Variants in HELLS observed in about 807,000 individuals in gnomAD.
HELLS encodes the protein helicase, lymphoid specific.
Under a neutral mutation model 120.0 loss-of-function variants are expected in HELLS, and 32 were observed. That is an observed-to-expected ratio of 0.27 (90% CI 0.20 to 0.36). The LOEUF (loss-of-function observed/expected upper bound fraction) is 0.36. Among genes scored for constraint, HELLS ranks in the 10% least tolerant of loss-of-function variants. The pLI is 1.00. For synonymous variants in HELLS, 341 were observed against 323.4 expected, an observed-to-expected ratio of 1.05 and a Z score of -0.58; for missense variants, 650 against 993.4, an observed-to-expected ratio of 0.65 and a Z score of 4.65.
chr10:94,576,750 A>G lies in HELLS; in HGVS notation c.977A>G (p.His326Arg). 2 of 1,612,178 alleles carry G rather than the reference A, an allele frequency of 1.2e-6. No homozygotes were observed. Among genetic ancestry groups the G allele is most frequent in the Non-Finnish European group, 1.7e-6 (2 of 1,178,790 alleles). The change falls in exon 10 of 22, where the codon CAT (histidine) becomes CGT (arginine). Residue 326 changes from histidine (H) to arginine (R), a missense_variant. His to Arg is a conservative substitution (Grantham distance 29, BLOSUM62 0). Transcript: ENST00000348459. ...IYKRKGTLQI[H>R]PVVITSFEIA... ...AAACGGAAAGGGACTTTGCAGATTC[A>G]TCCTGTGGTAATCACGTCATTTGAA...
chr10:94,610,387 G>C (rs1161271988), exon 10 of HELLS: 1 of 151,498 alleles, frequency 6.6e-6, no homozygotes, highest in African/African-American at 2.4e-5. Flanking sequence ...CCGAGATCGC[G>C]TCACTGCACT....
intron 2 of HELLS, among the ~76,000 whole-genome samples, chr10:94,549,031 A>T (rs1014795876): frequency 6.6e-6 from 1 of 151,774 alleles, no homozygotes; most frequent in African/African-American, 2.4e-5. Context: ...ATCTTAATAT[A>T]AGTGTGTAAT....
At chr10:94,579,201 C>CTTTT (rs11431624) in intron 10 of HELLS, among the ~76,000 whole-genome samples, 3 of 133,866 alleles carry the variant, frequency 2.2e-5, no homozygotes, top group Non-Finnish European at 4.7e-5. Flanking sequence ...CTACTTTTTT[C>CTTTT]TTTTTTTTTT....
At chr10:94,612,127 G>A (rs1846198870) in exon 10 of HELLS, 1 of 152,070 alleles carries the variant, frequency 6.6e-6, no homozygotes. Context: ...CAGTGTTTGG[G>A]GGCATAGTCA....
At chr10:94,559,592 C>T (rs1464000897) in intron 4 of HELLS, among the ~76,000 whole-genome samples, 5 of 151,712 alleles carry the variant, frequency 3.3e-5, no homozygotes, top group South Asian at 2.1e-4. Flanking sequence ...ACTACAGGTG[C>T]GCGCCACCAT....
chr10:94,545,848 G>A lies in HELLS; in HGVS notation c.-74G>A, dbSNP rs1347639653. ...TTGGCTAGAAGGCTGGGCCGGCAGC[G>A]GTTGTGAGGAGTTAGCTCGCGGCAT... is the stretch of plus-strand genomic sequence containing the variant. On this transcript the variant is annotated 5_prime_UTR_variant, in exon 1 of 22. Coordinates refer to ENST00000348459, the MANE Select transcript of HELLS (RefSeq NM_018063.5). 3.4e-6 allele frequency: 5 copies of A among 1,486,506 alleles called. No homozygotes were observed. The highest frequency in any genetic ancestry group is 2.8e-5 in the African/African-American group (2 of 71,756). 92.1% of individuals were successfully genotyped at this position (1,486,506 alleles called of 1,614,324 possible).
At chr10:94,567,154 C>T (rs916317995) in intron 6 of HELLS, among the ~76,000 whole-genome samples, 2 of 152,130 alleles carry the variant, frequency 1.3e-5, no homozygotes, top group African/African-American at 4.8e-5. Flanking sequence ...GGACCCTGCT[C>T]CTCCAAGTTA....
chr10:94,606,347 A>ACC (rs200639300), downstream of HELLS, among the ~76,000 whole-genome samples: 1 of 148,914 alleles, frequency 6.7e-6, no homozygotes, highest in Non-Finnish European at 1.5e-5. Flanking sequence ...TCTGCCTAGA[A>ACC]TTTTTTTGTT....
chr10:94,546,103 A>G, intron 1 of HELLS, 151 bp downstream of exon 1: 1 of 938,474 alleles, frequency 1.1e-6, no homozygotes, highest in East Asian at 2.6e-5. Context: ...CGGTGAGTGG[A>G]GGACACCCCG....
At chr10:94,547,972 G>A (rs1357812706) in intron 2 of HELLS, among the ~76,000 whole-genome samples, 1 of 152,206 alleles carries the variant, frequency 6.6e-6, no homozygotes, top group East Asian at 1.9e-4. Flanking sequence ...CAGGGTAGAT[G>A]TGAATTAACA....
chr10:94,610,471 C>A (rs1846180605), exon 10 of HELLS: 1 of 150,964 alleles, frequency 6.6e-6, no homozygotes, highest in African/African-American at 2.4e-5. Context: ...AACTGTTAAA[C>A]AGAAAACAAG....
intron 2 of HELLS, among the ~76,000 whole-genome samples, chr10:94,547,019 C>A (rs1356027372): frequency 2.0e-5 from 3 of 152,208 alleles, no homozygotes; most frequent in Non-Finnish European, 4.4e-5. Flanking sequence ...CTTTTGGTTT[C>A]ATGGCCTGTG....
chr10:94,588,846 A>G (rs1056705987), intron 13 of HELLS, among the ~76,000 whole-genome samples: 3 of 152,138 alleles, frequency 2.0e-5, no homozygotes, highest in Non-Finnish European at 2.9e-5. Context: ...AGTCATCTGG[A>G]ATACTTACTA....
intron 4 of HELLS, among the ~76,000 whole-genome samples, chr10:94,558,495 T>G (rs74150822): frequency 0.022 from 3,384 of 152,298 alleles, 123 homozygotes; most frequent in African/African-American, 0.075. Context: ...ATTTTGTAAG[T>G]GGCCACCTTC....
At chr10:94,597,002 T>C in intron 20 of HELLS, 33 bp from the exon 21 acceptor site, 1 of 1,477,834 alleles carries the variant, frequency 6.8e-7, no homozygotes. Context: ...CTTTGAATTA[T>C]TCACATAGAC....
chr10:94,563,007 C>CACCTTTGA, intron 6 of HELLS, 131 bp downstream of exon 6: 1 of 618,306 alleles, frequency 1.6e-6, no homozygotes, highest in Non-Finnish European at 2.8e-6. Context: ...TATTATATAT[C>CACCTTTGA]ATTTATAGGT....
At chr10:94,585,362 GTTT>G (rs11288915) in intron 12 of HELLS, among the ~76,000 whole-genome samples, 8 of 121,064 alleles carry the variant, frequency 6.6e-5, no homozygotes, top group African/African-American at 9.0e-5. Context: ...TTTTTGTTTT[GTTT>G]TTTTTTTTTG....
At chr10:94,597,001 A>G (rs755745868) in intron 20 of HELLS, 34 bp from the exon 21 acceptor site, 2 of 1,474,134 alleles carry the variant, frequency 1.4e-6, no homozygotes, top group Non-Finnish European at 9.5e-7. Context: ...GCTTTGAATT[A>G]TTCACATAGA....
intron 9 of HELLS, among the ~76,000 whole-genome samples, chr10:94,575,527 C>G (rs1163805734): frequency 6.6e-6 from 1 of 151,680 alleles, no homozygotes; most frequent in Non-Finnish European, 1.5e-5. Context: ...TGGAGTCTGT[C>G]TCTGTCACCA....
Sources: gnomAD v4.1 joint callset for allele counts (sites outside exome capture counted in the v4.1 genomes callset) on GRCh38, gnomAD v4.1.1 for gene constraint, MANE v1.5 for transcripts, NCBI Gene and HGNC (gene_info 2026-07-23, HGNC 2026-07-21) for gene names.